The following GLB1L variants were observed in gnomAD, a reference collection of about 807,000 sequenced individuals.
GLB1L encodes the protein beta-galactosidase-1-like protein.
Under a neutral mutation model 75.7 loss-of-function variants are expected in GLB1L, and 58 were observed. That is an observed-to-expected ratio of 0.77 (90% CI 0.62 to 0.95). The LOEUF is 0.95. Ranked by LOEUF, GLB1L falls within the 40% of genes least tolerant of loss-of-function variation. The probability of loss-of-function intolerance (pLI) is 0.00; values close to 1 mark genes in which losing one functional copy is unlikely to be tolerated. For synonymous variants in GLB1L, 296 were observed against 303.0 expected (o/e 0.98, Z 0.24); for missense variants, 797 against 805.5 (o/e 0.99, Z 0.13).
intron 5 of GLB1L, among the ~76,000 whole-genome samples, chr2:219,241,438 G>GCA (rs1553567582): frequency 1.2e-5 from 1 of 85,168 alleles, no homozygotes; most frequent in African/African-American, 4.2e-5. Flanking sequence ...GTGTGTGTGT[G>GCA]TGTGTATATA....
rs1449273875 is a variant in GLB1L at position 219,243,210 on chromosome 2, C to T, written c.177G>A (p.Pro59=). ...VSGSLHYFRV[P]RVLWADRLLK... ...AAAGCCGGTCGGCCCAAAGCACCCG[C>T]GGTACCCGAAAGTAGTGCAGGCTGC... The change falls in exon 3 of 17, where the codon CCG becomes CCA. Residue 59 remains proline, a synonymous_variant. Transcript: ENST00000295759. 2 of 1,613,976 alleles carry T rather than the reference C, an allele frequency of 1.2e-6. No homozygotes were observed. The highest frequency in any genetic ancestry group is 1.7e-5 in the Admixed American group (1 of 59,990).
At chr2:219,238,681 G>T in intron 12 of GLB1L, 24 bp downstream of exon 12, 3 of 1,599,406 alleles carry the variant, frequency 1.9e-6, no homozygotes, top group Non-Finnish European at 2.5e-6. Context: ...TGTGGTATAA[G>T]AGAAAAGATG....
rs34455694 is a variant in GLB1L, at chr2:219,242,289, G to GTT, written c.451+223_451+224dup. On this transcript the variant is annotated intron_variant, in intron 5 of 16. Coordinates refer to ENST00000295759, the MANE Select transcript of GLB1L (RefSeq NM_001286423.2). The stretch of plus-strand genomic sequence containing the variant: ...CAGGCATGAGCCACCGCGCCCAGCT[G>GTT]TTTTTTTTTTTTTTAATCAGTTTCT... Among the ~76,000 whole-genome samples, 111 of 146,462 alleles carry GTT rather than the reference G, an allele frequency of 7.6e-4. 1 individual carries two copies. Among genetic ancestry groups the GTT allele is most frequent in the Middle Eastern group, 3.6e-3 (1 of 278 alleles).
intron 5 of GLB1L, 35 bp downstream of exon 5, chr2:219,242,479 C>T (rs1267654167): frequency 6.5e-7 from 1 of 1,540,666 alleles, no homozygotes; most frequent in South Asian, 1.1e-5. Context: ...ATTTTACTTA[C>T]TTGCTTCTGT....
At position 219,237,540 on chromosome 2, in the gene GLB1L, G is replaced by A. The variant is rs764953087; in HGVS notation, c.1661C>T (p.Thr554Ile). 4 of 1,614,140 alleles carry A rather than the reference G, an allele frequency of 2.5e-6. No homozygotes were observed. In the Admixed American group the frequency reaches 6.7e-5, roughly 27 times the overall value. The change falls in exon 16 of 17, where the codon ACA becomes ATA. Residue 554 changes from threonine (T) to isoleucine (I), a missense_variant. By Grantham distance (89) the Thr-to-Ile change is moderately conservative. Coordinates refer to ENST00000295759, the MANE Select transcript of GLB1L (RefSeq NM_001286423.2). ...TFPILGSVGD[T>I]FLYLPGWTKG... ...GGTCCATCCAGGTAGATATAGAAAT[G>A]TGTCCCCAACTGAGCCTAAAATTGG...
rs1401771713 is a variant in GLB1L, at chr2:219,237,328, C to A, written c.1709G>T (p.Gly570Val). The stretch of plus-strand genomic sequence containing the variant: ...TGTCCAGTACCGGCCCAAGTTAAAC[C>A]CATTGATCCAGACTTGGCCCTGGGG... ...GWTKGQVWIN[G>V]FNLGRYWTKQ... Residue 570 changes from glycine to valine, a missense_variant, in exon 17 of 17, where the codon GGG becomes GTG. Physicochemically the swap from Gly to Val is moderately radical, Grantham distance 109. Coordinates refer to ENST00000295759, the MANE Select transcript of GLB1L (RefSeq NM_001286423.2). The A allele has an allele frequency of 3.7e-6, 6 of 1,613,566 alleles. No individual in the cohort carries two copies. Among genetic ancestry groups the A allele is most frequent in the Non-Finnish European group, 5.1e-6 (6 of 1,179,796 alleles).
Position 219,240,253 on chromosome 2 carries a change from C to T in GLB1L, c.484G>A (p.Val162Ile), listed in dbSNP as rs200298089. The T allele has an allele frequency of 1.9e-6, 3 of 1,614,186 alleles. No homozygotes were observed. Among genetic ancestry groups the T allele is most frequent in the Non-Finnish European group, 2.5e-6 (3 of 1,180,020 alleles). ...FLAAVDSWFK[V>I]LLPKIYPWLY... ...CATGGATATATCTTGGGCAGCAAGA[C>T]CTTGAACCAGGAGTCCACTGCGGCA... Residue 162 changes from valine (V) to isoleucine (I), a missense_variant, in exon 6 of 17, where the codon GTC (valine) becomes ATC (isoleucine). By Grantham distance (29) the Val-to-Ile change is conservative (BLOSUM62 3). Transcript: ENST00000295759.
Position 219,238,584 on chromosome 2 carries a change from C to A in GLB1L, c.1138G>T (p.Val380Phe). The A allele has an allele frequency of 1.2e-6, 2 of 1,612,730 alleles. No individual in the cohort carries two copies. The highest frequency in any genetic ancestry group is 8.5e-7 in the Non-Finnish European group (1 of 1,178,954). The change falls in exon 13 of 17, where the codon GTT becomes TTT. Residue 380 changes from valine (V) to phenylalanine (F), a missense_variant and splice_region_variant. Val to Phe is a conservative substitution (Grantham distance 50, BLOSUM62 -1). Transcript: ENST00000295759. ...TCTAGGAAAGCCAGTAAATGCCCAA[C>A]CTATTAGAATAAGGGAGAAGAATTA... ...MMLGPVTLHL[V>F]GHLLAFLDLL... is the part of the protein sequence containing the mutation.
rs1225119171 is a variant in GLB1L, at chr2:219,243,616, G to T, written c.-43C>A. 2.5e-6 allele frequency: 4 copies of T among 1,593,776 alleles called. No homozygotes were observed. The East Asian group carries it at 6.7e-5, about 27-fold the overall frequency. On this transcript the variant is annotated 5_prime_UTR_variant, in exon 2 of 17. Transcript: ENST00000295759. The stretch of plus-strand genomic sequence containing the variant: ...TCTAGTCTGAGACGGCGGACAGACC[G>T]TCACGTGTCGGATTCCTGGGAGGGA...
Position 219,240,190 on chromosome 2 carries a change from C to T in GLB1L, c.546+1G>A, listed in dbSNP as rs1341012457. 31 of 1,614,034 alleles carry T rather than the reference C, an allele frequency of 1.9e-5. No individual in the cohort carries two copies. The highest frequency in any genetic ancestry group is 2.4e-5 in the Non-Finnish European group (28 of 1,179,880). ...CTGCTCCAGTCACTTCCCCCTTGTA[C>T]CTGAATGCTAATGATGTTGCCCCCA... On this transcript the variant is annotated splice_donor_variant, in intron 6 of 16. Transcript: ENST00000295759. LOFTEE classifies it high-confidence loss of function.
rs1297841809 is a variant in GLB1L, at chr2:219,236,996, C to T, written c.*76G>A. ...GGCCAGGCTGGTCTTGAAGTCCTGACCTCAGGTAATCCACCCGTCTCAGCC... is the reference window on the plus strand; with the variant it reads ...GGCCAGGCTGGTCTTGAAGTCCTGATCTCAGGTAATCCACCCGTCTCAGCC... On this transcript the variant is annotated 3_prime_UTR_variant, in exon 17 of 17. Coordinates refer to ENST00000295759, the MANE Select transcript of GLB1L (RefSeq NM_001286423.2). 9.2e-7 allele frequency: 1 copy of T among 1,092,822 alleles called. No homozygotes were observed. The highest frequency in any genetic ancestry group is 1.4e-6 in the Non-Finnish European group (1 of 735,670). 67.7% of individuals were successfully genotyped at this position (1,092,822 alleles called of 1,614,324 possible). A position where few individuals can be genotyped will look rare whatever the true frequency, so the allele number is the denominator to read the frequency against.
At chr2:219,238,879 G>A (rs1951318920) in intron 11 of GLB1L, 100 bp from the exon 12 acceptor site, 2 of 1,055,296 alleles carry the variant, frequency 1.9e-6, no homozygotes, top group Non-Finnish European at 2.8e-6. Context: ...CCAGGGAAGG[G>A]CTTCAGGGAT....
chr2:219,239,782 C>A lies in GLB1L; in HGVS notation c.773G>T (p.Gly258Val), dbSNP rs754227381. ...TCCTCTCTGGCCCCTCACCAATGGC[C>A]CATGGGGTTCATACTTCCGAAGCAG... ...FTLLRKYEPH[G>V]PLVNSEYYTG... The change falls in exon 8 of 17, where the codon GGG becomes GTG. Residue 258 changes from glycine (G) to valine (V), a missense_variant. Physicochemically the swap from Gly to Val is moderately radical, Grantham distance 109 (BLOSUM62 -3). Coordinates refer to ENST00000295759, the MANE Select transcript of GLB1L (RefSeq NM_001286423.2). 6.2e-7 allele frequency: 1 copy of A among 1,614,180 alleles called. No homozygotes were observed. The highest frequency in any genetic ancestry group is 1.1e-5 in the South Asian group (1 of 91,088).
rs1574864393 is a variant in GLB1L at position 219,239,465 on chromosome 2, G to T, written c.903-14C>A. On this transcript the variant is annotated splice_polypyrimidine_tract_variant and intron_variant, in intron 9 of 16. Coordinates refer to ENST00000295759, the MANE Select transcript of GLB1L (RefSeq NM_001286423.2). ...TGGAACATGTACCTGAAGTGAGAGA[G>T]GGTGGGGGAACAGGTAAAAGCTGAC... The T allele has an allele frequency of 3.1e-6, 5 of 1,609,990 alleles. No homozygotes were observed. In the East Asian group the frequency reaches 1.1e-4, roughly 36 times the overall value.
At position 219,239,689 on chromosome 2, in the gene GLB1L, T is replaced by A. The variant is rs1951338899; in HGVS notation, c.781-7A>T. On this transcript the variant is annotated splice_region_variant and splice_polypyrimidine_tract_variant and intron_variant, in intron 8 of 16. Coordinates refer to ENST00000295759, the MANE Select transcript of GLB1L (RefSeq NM_001286423.2). ...TGTAGTACTCAGAGTTTACCTAGAGTGTGAAATGAAAGGAGTGTGAGTGAG... is the reference window on the plus strand; with the variant it reads ...TGTAGTACTCAGAGTTTACCTAGAGAGTGAAATGAAAGGAGTGTGAGTGAG... The A allele has an allele frequency of 1.9e-6, 3 of 1,613,788 alleles. No individual in the cohort carries two copies. Among genetic ancestry groups the A allele is most frequent in the Non-Finnish European group, 2.5e-6 (3 of 1,179,948 alleles).
chr2:219,239,067 G>T, intron 11 of GLB1L, 25 bp downstream of exon 11: 1 of 1,462,046 alleles, frequency 6.8e-7, no homozygotes, highest in Non-Finnish European at 9.5e-7. Flanking sequence ...AAAAGCCTTT[G>T]GAGCTTAATG....
chr2:219,243,192 G>A lies in GLB1L; in HGVS notation c.195C>T (p.Asp65=), dbSNP rs374740880. The change falls in exon 3 of 17, where the codon GAC becomes GAT. Residue 65 remains aspartate (D), a synonymous_variant. Transcript: ENST00000295759. ...YFRVPRVLWA[D]RLLKMRWSGL... is the part of the protein sequence containing the mutation. ...CGCTCCATCGCATCTTCAAAAGCCG[G>A]TCGGCCCAAAGCACCCGCGGTACCC... The A allele has an allele frequency of 1.2e-6, 2 of 1,613,610 alleles. No individual in the cohort carries two copies. The highest frequency in any genetic ancestry group is 1.7e-5 in the Admixed American group (1 of 59,876).
rs1294037497 is a variant in GLB1L at position 219,245,406 on chromosome 2, C to T, written c.-248G>A. 6.5e-6 allele frequency: 1 copy of T among 152,676 alleles called. No homozygotes were observed. The highest frequency in any genetic ancestry group is 1.9e-4 in the East Asian group (1 of 5,194). 9.5% of individuals were successfully genotyped at this position (152,676 alleles called of 1,614,324 possible). A position where few individuals can be genotyped will look rare whatever the true frequency, so the allele number is the denominator to read the frequency against. ...AGCCCGGAGCCTCTCAGCTCCGCGT[C>T]CCCACATCCTCCGGATGCCCAGCGG... On this transcript the variant is annotated 5_prime_UTR_variant, in exon 1 of 17. Coordinates refer to ENST00000295759, the MANE Select transcript of GLB1L (RefSeq NM_001286423.2).
chr2:219,241,304 G>C (rs1951378770), intron 5 of GLB1L, among the ~76,000 whole-genome samples: 1 of 150,808 alleles, frequency 6.6e-6, no homozygotes, highest in Admixed American at 6.6e-5. Flanking sequence ...GCGTGAACCT[G>C]GGAGGTGGAG....
Sources: gnomAD v4.1 joint callset for allele counts (sites outside exome capture counted in the v4.1 genomes callset) on GRCh38, gnomAD v4.1.1 for gene constraint, MANE v1.5 for transcripts, NCBI Gene and HGNC (gene_info 2026-07-23, HGNC 2026-07-21) for gene names.